The following PDHA1 variants were observed in gnomAD, a reference collection of about 807,000 sequenced individuals.
The protein encoded by PDHA1 is pyruvate dehydrogenase E1 component subunit alpha, somatic form, mitochondrial.
PDHA1 carries 1 observed loss-of-function variant against 33.0 expected under a neutral mutation model. The ratio of observed to expected loss-of-function variants is 0.03; its 90% CI spans 0.01 to 0.14. The LOEUF (loss-of-function observed/expected upper bound fraction) is 0.14, where lower values mean the gene tolerates loss of function less well. Among genes scored for constraint, PDHA1 ranks in the 10% least tolerant of loss-of-function variants. The pLI is 1.00. For synonymous variants in PDHA1, 123 were observed against 119.2 expected, an observed-to-expected ratio of 1.03 and a Z score of -0.21; for missense variants, 168 against 325.1, an observed-to-expected ratio of 0.52 and a Z score of 3.72.
intron 4 of PDHA1, chrX:19,352,802 C>T (rs2063172244): frequency 2.6e-6 from 1 of 390,789 alleles, no homozygotes; most frequent in African/African-American, 2.5e-5. Context: ...ATGTTTGTAA[C>T]TGGCCAGAAA....
chrX:19,347,364 T>C (rs2063140960), intron 1 of PDHA1, among the ~76,000 whole-genome samples: 1 of 112,801 alleles, frequency 8.9e-6, no homozygotes, highest in Non-Finnish European at 1.9e-5. Context: ...ATAGGACTTT[T>C]AGCTTCTTTA....
At position 19,349,388 on chromosome X, in the gene PDHA1, T is replaced by G. The variant is rs780183383; in HGVS notation, c.117+17T>G. On this transcript the variant is annotated intron_variant, in intron 2 of 10. Transcript: ENST00000422285. Reference sequence around the variant, plus strand: ...GAAATTAAGGTAAGAGGTGTTTTACTTTGTTAATAATTTTTTCACAGGTAC... The same window carrying G: ...GAAATTAAGGTAAGAGGTGTTTTACGTTGTTAATAATTTTTTCACAGGTAC... The G allele has an allele frequency of 9.6e-6, 10 of 1,043,872 alleles. No individual in the cohort carries two copies. The Admixed American group carries it at 2.2e-4, about 23-fold the overall frequency. 86.0% of individuals were successfully genotyped at this position (1,043,872 alleles called of 1,213,427 possible). A position where few individuals can be genotyped will look rare whatever the true frequency, so the allele number is the denominator to read the frequency against.
At chrX:19,351,772 G>C (rs868749569) in intron 4 of PDHA1, among the ~76,000 whole-genome samples, 4 of 101,847 alleles carry the variant, frequency 3.9e-5, no homozygotes. Context: ...TTTGTCCCCC[G>C]TGACTATTTG....
intron 4 of PDHA1, among the ~76,000 whole-genome samples, chrX:19,351,916 C>T (rs1279852571): frequency 9.4e-6 from 1 of 106,526 alleles, no homozygotes; most frequent in African/African-American, 3.5e-5. Flanking sequence ...CTCATGCCTC[C>T]ACCTCCTGAG....
At position 19,349,304 on chromosome X, in the gene PDHA1, CT is replaced by C; in HGVS notation, c.58-4del. ...TACTGATTTGTTTGTATATTTTTGT[CT>C]TTTAAGGCAAGCAGAGTGCTGGTAG... On this transcript the variant is annotated splice_polypyrimidine_tract_variant and splice_region_variant and intron_variant, in intron 1 of 10. Coordinates refer to ENST00000422285, the MANE Select transcript of PDHA1 (RefSeq NM_000284.4). The C allele has an allele frequency of 8.6e-7, 1 of 1,159,038 alleles. No homozygotes were observed. Among genetic ancestry groups the C allele is most frequent in the Non-Finnish European group, 1.2e-6 (1 of 848,039 alleles).
At chrX:19,345,571 TTAAAAAAAAAA>T (rs1490972710) in intron 1 of PDHA1, among the ~76,000 whole-genome samples, 1 of 62,791 alleles carries the variant, frequency 1.6e-5, no homozygotes, top group Admixed American at 1.8e-4. Flanking sequence ...ACTCCGTATT[TTAAAAAAAAAA>T]AAAAAAAAAA....
chrX:19,352,161 C>T (rs770418011), intron 4 of PDHA1, among the ~76,000 whole-genome samples: 1 of 110,160 alleles, frequency 9.1e-6, no homozygotes, highest in Admixed American at 9.6e-5. Context: ...CAGTGGCCTG[C>T]CTCAGCCTCC....
intron 1 of PDHA1, among the ~76,000 whole-genome samples, 188 bp from the exon 2 acceptor site, chrX:19,349,124 C>T (rs2063150236): frequency 8.9e-6 from 1 of 111,734 alleles, no homozygotes; most frequent in Non-Finnish European, 1.9e-5. Context: ...TTTCATTGGC[C>T]AAAGCATGGA....
At chrX:19,358,359 G>A (rs781061388) in intron 9 of PDHA1, among the ~76,000 whole-genome samples, 211 of 111,901 alleles carry the variant, frequency 1.9e-3, no homozygotes, top group African/African-American at 6.6e-3. Flanking sequence ...GAAAATGGTA[G>A]AATCCTTTTA....
At position 19,355,522 on chromosome X, in the gene PDHA1, G is replaced by A. The variant is rs369604349; in HGVS notation, c.759+18G>A. The A allele has an allele frequency of 2.5e-6, 3 of 1,191,839 alleles. No homozygotes were observed. The highest frequency in any genetic ancestry group is 3.0e-5 in the East Asian group (1 of 33,828). ...GGCTGAGAGTAAGGACACCTGTGGT[G>A]GGGCCGGGGCCAAGGCCAAGGCCAA... On this transcript the variant is annotated intron_variant, in intron 7 of 10. Transcript: ENST00000422285.
intron 1 of PDHA1, among the ~76,000 whole-genome samples, chrX:19,346,149 C>T (rs1186249551): frequency 9.0e-6 from 1 of 111,696 alleles, no homozygotes; most frequent in Non-Finnish European, 1.9e-5. Flanking sequence ...CAGTGGCTCA[C>T]CCAAATTAGG....
In PDHA1 at chrX:19,361,469, A is replaced by C. The variant is rs1297308957; in HGVS notation, c.*1816A>C. The C allele has an allele frequency of 8.3e-7, 1 of 1,200,139 alleles. No individual in the cohort carries two copies. The highest frequency in any genetic ancestry group is 1.1e-6 in the Non-Finnish European group (1 of 885,218). On this transcript the variant is annotated 3_prime_UTR_variant, in exon 11 of 11. Transcript: ENST00000422285. ...TGAGCAGCTGTGTAACAACAGCATAAGAATTTCTTTGTTGTAAATTTACCT... is the reference window on the plus strand; with the variant it reads ...TGAGCAGCTGTGTAACAACAGCATACGAATTTCTTTGTTGTAAATTTACCT...
At chrX:19,348,201 AAC>A (rs1231632842) in intron 1 of PDHA1, among the ~76,000 whole-genome samples, 2 of 112,516 alleles carry the variant, frequency 1.8e-5, no homozygotes, top group African/African-American at 6.5e-5. Flanking sequence ...GTCTAACCTA[AAC>A]CTTAGCCATT....
Position 19,359,814 on chromosome X carries a change from ATTAGTGCAT to A in PDHA1, c.*163_*171del. 1 of 508,148 alleles carries A rather than the reference ATTAGTGCAT, an allele frequency of 2.0e-6. No homozygotes were observed. Among genetic ancestry groups the A allele is most frequent in the Non-Finnish European group, 3.5e-6 (1 of 287,051 alleles). 41.9% of individuals were successfully genotyped at this position (508,148 alleles called of 1,213,427 possible). ...GGTAGTAATTGCATGCAGTTTGTACATTAGTGCATTAAAAGATGAATTATTGAGTGCTTA... is the reference window on the plus strand; with the variant it reads ...GGTAGTAATTGCATGCAGTTTGTACATAAAAGATGAATTATTGAGTGCTTA... On this transcript the variant is annotated 3_prime_UTR_variant, in exon 11 of 11. Transcript: ENST00000422285.
chrX:19,344,119 A>G, intron 1 of PDHA1, 25 bp downstream of exon 1: 1 of 1,170,698 alleles, frequency 8.5e-7, no homozygotes, highest in African/African-American at 1.7e-5. Context: ...GCGGGCCGGG[A>G]TGGGGCGCGA....
rs1218320598 is a variant in PDHA1 at position 19,361,266 on chromosome X, G to C, written c.*1613G>C. 3 of 913,696 alleles carry C rather than the reference G, an allele frequency of 3.3e-6. No homozygotes were observed. In the African/African-American group the frequency reaches 5.9e-5, roughly 18 times the overall value. 75.3% of individuals were successfully genotyped at this position (913,696 alleles called of 1,213,427 possible). Reference sequence around the variant, plus strand: ...AGTTTGGGGGGAGGCCCAGCCCTTTGTTTTCTGCTCTTGAAGCATATTCAC... The same window carrying C: ...AGTTTGGGGGGAGGCCCAGCCCTTTCTTTTCTGCTCTTGAAGCATATTCAC... On this transcript the variant is annotated 3_prime_UTR_variant, in exon 11 of 11. Coordinates refer to ENST00000422285, the MANE Select transcript of PDHA1 (RefSeq NM_000284.4).
chrX:19,344,158 G>A lies in PDHA1; in HGVS notation c.57+64G>A. Reference sequence around the variant, plus strand: ...GGGCTGAGGCGGGGCCGGAGGGCAGGGCGGGCCAGGCCGGGCCACCCAGAG... The same window carrying A: ...GGGCTGAGGCGGGGCCGGAGGGCAGAGCGGGCCAGGCCGGGCCACCCAGAG... On this transcript the variant is annotated intron_variant, in intron 1 of 10. Coordinates refer to ENST00000422285, the MANE Select transcript of PDHA1 (RefSeq NM_000284.4). 2.0e-6 allele frequency: 2 copies of A among 1,022,857 alleles called. 1 individual carries two copies. The highest frequency in any genetic ancestry group is 7.3e-4 in the Middle Eastern group (2 of 2,755). The allele number at this position is 1,022,857 out of a possible 1,213,427, so 84.3% of individuals were successfully genotyped here.
chrX:19,359,909 G>A lies in PDHA1; in HGVS notation c.*256G>A, dbSNP rs2063257280. Reference sequence around the variant, plus strand: ...CAAATACTCTAATTATGAAAAGGAAGAACAATTCCTTGTATGCCTGTTTCC... The same window carrying A: ...CAAATACTCTAATTATGAAAAGGAAAAACAATTCCTTGTATGCCTGTTTCC... On this transcript the variant is annotated 3_prime_UTR_variant, in exon 11 of 11. Coordinates refer to ENST00000422285, the MANE Select transcript of PDHA1 (RefSeq NM_000284.4). 1.8e-5 allele frequency: 7 copies of A among 383,118 alleles called. No individual in the cohort carries two copies. The highest frequency in any genetic ancestry group is 3.4e-5 in the South Asian group (1 of 29,650). 31.6% of individuals were successfully genotyped at this position (383,118 alleles called of 1,213,427 possible).
At chrX:19,355,916 C>G (rs771394093) in intron 8 of PDHA1, among the ~76,000 whole-genome samples, 159 bp downstream of exon 8, 1 of 112,273 alleles carries the variant, frequency 8.9e-6, no homozygotes, top group South Asian at 3.7e-4. Flanking sequence ...GTAGCTTGGT[C>G]TTGGTAGCTC....
Sources: gnomAD v4.1 joint callset for allele counts (sites outside exome capture counted in the v4.1 genomes callset) on GRCh38, gnomAD v4.1.1 for gene constraint, MANE v1.5 for transcripts, NCBI Gene and HGNC (gene_info 2026-07-23, HGNC 2026-07-21) for gene names.